PDE1C: variants seen among roughly 807,000 people sequenced by gnomAD.
PDE1C encodes dual specificity calcium/calmodulin-dependent 3',5'-cyclic nucleotide phosphodiesterase 1C.
PDE1C carries 62 observed loss-of-function variants against 93.1 expected under a neutral mutation model. That is an observed-to-expected ratio of 0.67 (90% confidence interval 0.54 to 0.82). The LOEUF is 0.82. PDE1C is among the 40% of genes least tolerant of loss of function. PDE1C has a pLI of 0.00. For synonymous variants in PDE1C, 325 were observed against 310.1 expected, an observed-to-expected ratio of 1.05 and a Z score of -0.50; for missense variants, 742 against 884.6, an observed-to-expected ratio of 0.84 and a Z score of 2.04.
intron 16 of PDE1C, among the ~76,000 whole-genome samples, chr7:31,797,524 GAA>G (rs1191539980): frequency 1.3e-5 from 2 of 151,798 alleles, no homozygotes; most frequent in African/African-American, 4.8e-5. Flanking sequence ...GTTAAGCACT[GAA>G]GTTATAAAGG....
intron 1 of PDE1C, among the ~76,000 whole-genome samples, chr7:32,064,459 C>T (rs1035831431): frequency 1.3e-5 from 2 of 152,200 alleles, no homozygotes; most frequent in Non-Finnish European, 2.9e-5. Context: ...TCATTTCAAA[C>T]ATGCCCCCTG....
At chr7:31,642,593 A>T in the PDE1C span, 1 of 1,195,430 alleles carries the variant, frequency 8.4e-7, no homozygotes, top group Non-Finnish European at 1.2e-6. Flanking sequence ...CCTGACTCCT[A>T]AGGCAATGAC....
intron 2 of PDE1C, among the ~76,000 whole-genome samples, chr7:31,947,347 T>G (rs973228401): frequency 2.0e-5 from 3 of 152,220 alleles, no homozygotes; most frequent in African/African-American, 7.2e-5. Flanking sequence ...ATCTAAATAA[T>G]GTTTGACCAA....
At chr7:31,917,413 C>G (rs903362629) in intron 2 of PDE1C, among the ~76,000 whole-genome samples, 7 of 152,056 alleles carry the variant, frequency 4.6e-5, no homozygotes, top group African/African-American at 1.4e-4. Context: ...TTAATGTCAA[C>G]CTGAGTATAA....
chr7:31,839,038 CAT>C (rs967136177), intron 9 of PDE1C, among the ~76,000 whole-genome samples: 2 of 147,554 alleles, frequency 1.4e-5, no homozygotes, highest in African/African-American at 4.9e-5. Context: ...ATTATATACA[CAT>C]ATATTTCATA....
chr7:32,084,178 C>CA (rs1796904989), intron 3 of PDE1C, among the ~76,000 whole-genome samples: 1 of 151,248 alleles, frequency 6.6e-6, no homozygotes, highest in Admixed American at 6.6e-5. Flanking sequence ...AAATGGAAAA[C>CA]AAAAAAAGGC....
In PDE1C at chr7:32,361,558, G is replaced by A. The variant is rs466016; in HGVS notation, c.310+66264C>T. ...TGCCCCTGACCCTCGCACATGCCACGCATGCCCACCACTGGGCCTTTGCTC... is the reference window on the plus strand; with the variant it reads ...TGCCCCTGACCCTCGCACATGCCACACATGCCCACCACTGGGCCTTTGCTC... On this transcript the variant is annotated intron_variant, in intron 1 of 1. Coordinates refer to the PDE1C transcript ENST00000672256. Among the ~76,000 whole-genome samples the A allele has an allele frequency of 7.6e-3, 1,150 of 152,230 alleles. 9 individuals carry two copies. Among genetic ancestry groups the A allele is most frequent in the Non-Finnish European group, 0.012 (784 of 68,012 alleles).
intron 2 of PDE1C, among the ~76,000 whole-genome samples, chr7:32,202,675 C>T (rs1468547994): frequency 6.6e-6 from 1 of 152,128 alleles, no homozygotes; most frequent in Non-Finnish European, 1.5e-5. Flanking sequence ...TTTGGGTCAA[C>T]ACAAGTTGGG....
At chr7:32,154,280 TTTAAAG>T (rs1801436795) in intron 3 of PDE1C, among the ~76,000 whole-genome samples, 1 of 152,058 alleles carries the variant, frequency 6.6e-6, no homozygotes, top group African/African-American at 2.4e-5. Flanking sequence ...AATTTAAAAA[TTTAAAG>T]TTAAATAAAT....
intron 2 of PDE1C, among the ~76,000 whole-genome samples, chr7:32,176,323 T>C (rs1584906584): frequency 6.6e-6 from 1 of 152,192 alleles, no homozygotes; most frequent in African/African-American, 2.4e-5. Context: ...ATTTATATTA[T>C]GCTCCCTCTT....
At chr7:31,924,115 T>A (rs73308646) in intron 2 of PDE1C, among the ~76,000 whole-genome samples, 4,604 of 152,208 alleles carry the variant, frequency 0.03, 218 homozygotes, top group African/African-American at 0.11. Context: ...TAGAGGAGGA[T>A]AAATTAGGAT....
intron 2 of PDE1C, among the ~76,000 whole-genome samples, chr7:32,195,694 A>T (rs1259168488): frequency 2.6e-5 from 4 of 152,110 alleles, no homozygotes; most frequent in South Asian, 2.1e-4. Context: ...TCAAATTTTT[A>T]AAAATAAAAT....
chr7:31,781,598 C>T (rs1436931024), intron 16 of PDE1C, among the ~76,000 whole-genome samples: 1 of 152,078 alleles, frequency 6.6e-6, no homozygotes, highest in Admixed American at 6.6e-5. Context: ...GTTTTTGCCC[C>T]TTTACAGCTT....
Position 31,916,044 on chromosome 7 carries a change from T to TG in PDE1C, c.129-35185dup, listed in dbSNP as rs146613094. On this transcript the variant is annotated intron_variant, in intron 2 of 17. Transcript: ENST00000396191. ...TAAGGAAGTTACTTTCTGCCAGGTATGGGGGGGGCACCTCTCAAATGAGGG... is the reference window on the plus strand; with the variant it reads ...TAAGGAAGTTACTTTCTGCCAGGTATGGGGGGGGGCACCTCTCAAATGAGGG... 9.2e-3 allele frequency among the ~76,000 whole-genome samples: 1,389 copies of TG among 151,430 alleles called. 18 individuals are homozygous for TG. The highest frequency in any genetic ancestry group is 0.031 in the African/African-American group (1,291 of 41,266).
intron 1 of PDE1C, among the ~76,000 whole-genome samples, chr7:32,307,209 T>C (rs535997196): frequency 6.6e-6 from 1 of 152,130 alleles, no homozygotes; most frequent in African/African-American, 2.4e-5. Flanking sequence ...CGAAGCCCAA[T>C]ATAGGTTGTG....
intron 16 of PDE1C, 78 bp from the exon 17 acceptor site, chr7:31,775,810 T>C: frequency 8.2e-7 from 1 of 1,224,608 alleles, no homozygotes; most frequent in South Asian, 1.3e-5. Flanking sequence ...TCATCTGAAA[T>C]GTTATCAAGT....
At chr7:32,240,009 T>C (rs895622511) in intron 1 of PDE1C, among the ~76,000 whole-genome samples, 7 of 152,200 alleles carry the variant, frequency 4.6e-5, no homozygotes, top group Non-Finnish European at 1.0e-4. Context: ...GATCCTGAAT[T>C]GGGCCCCCTG....
At chr7:32,267,153 T>A (rs997884447) in intron 1 of PDE1C, among the ~76,000 whole-genome samples, 16 of 152,166 alleles carry the variant, frequency 1.1e-4, no homozygotes, top group African/African-American at 3.9e-4. Flanking sequence ...CCAATGACCC[T>A]CCCTGTCGTT....
intron 2 of PDE1C, among the ~76,000 whole-genome samples, chr7:31,924,644 C>T (rs565538685): frequency 7.9e-5 from 12 of 152,198 alleles, no homozygotes; most frequent in African/African-American, 2.9e-4. Context: ...TGGGAACCCC[C>T]GAGTTTATAT....
Sources: gnomAD v4.1 joint callset for allele counts (sites outside exome capture counted in the v4.1 genomes callset) on GRCh38, gnomAD v4.1.1 for gene constraint, MANE v1.5 for transcripts, NCBI Gene and HGNC (gene_info 2026-07-23, HGNC 2026-07-21) for gene names.